The following SCAF8 variants were observed in gnomAD, a reference collection of about 807,000 sequenced individuals.
SCAF8 encodes SR-related and CTD-associated factor 8.
In SCAF8, 23 loss-of-function variants were observed where a neutral mutation model predicts 140.5. That is an observed-to-expected ratio of 0.16 (90% confidence interval 0.12 to 0.23). The LOEUF (loss-of-function observed/expected upper bound fraction) is 0.23, where lower values mean the gene tolerates loss of function less well. SCAF8 is among the 10% of genes least tolerant of loss of function. SCAF8 has a pLI of 1.00. For missense variants in SCAF8, 1,397 were observed against 1,555.7 expected, an observed-to-expected ratio of 0.90 and a Z score of 1.72; for synonymous variants, 575 against 528.9, an observed-to-expected ratio of 1.09 and a Z score of -1.20.
chr6:154,738,451 T>G (rs896789160), intron 1 of SCAF8, among the ~76,000 whole-genome samples: 1 of 152,234 alleles, frequency 6.6e-6, no homozygotes, highest in African/African-American at 2.4e-5. Context: ...TAAATGAGAT[T>G]TAGGCTCAAT....
chr6:154,734,301 A>T lies in SCAF8; in HGVS notation c.30+371A>T, dbSNP rs189555531. 3.8e-3 allele frequency among the ~76,000 whole-genome samples: 578 copies of T among 152,292 alleles called. 3 individuals are homozygous for T. Among genetic ancestry groups the T allele is most frequent in the African/African-American group, 0.013 (551 of 41,570 alleles). On this transcript the variant is annotated intron_variant, in intron 1 of 19. Coordinates refer to ENST00000367178, the MANE Select transcript of SCAF8 (RefSeq NM_014892.5). ...TCCTTCCTGGGCCTTTGAGGATTTA[A>T]GTGGACGCTGGACATGACTCTCCAG...
At chr6:154,811,953 A>G (rs576940812) in intron 12 of SCAF8, among the ~76,000 whole-genome samples, 38 of 152,160 alleles carry the variant, frequency 2.5e-4, no homozygotes, top group African/African-American at 8.9e-4. Flanking sequence ...GGACATTTGG[A>G]TTGGTTCCAA....
intron 6 of SCAF8, among the ~76,000 whole-genome samples, chr6:154,796,967 A>G (rs1404429132): frequency 6.6e-6 from 1 of 151,578 alleles, no homozygotes; most frequent in African/African-American, 2.4e-5. Context: ...GTGAGACTCA[A>G]AAACAAAAAT....
chr6:154,757,081 G>A (rs959454083), intron 1 of SCAF8, among the ~76,000 whole-genome samples: 1 of 152,004 alleles, frequency 6.6e-6, no homozygotes, highest in Non-Finnish European at 1.5e-5. Context: ...GCTGGAGTGC[G>A]GTGGTGCAAC....
chr6:154,803,960 G>C (rs927388196), intron 8 of SCAF8, among the ~76,000 whole-genome samples: 1 of 152,130 alleles, frequency 6.6e-6, no homozygotes, highest in Admixed American at 6.5e-5. Context: ...CTAGTGCTTA[G>C]AGGCCACTTC....
intron 1 of SCAF8, chr6:154,741,823 T>A: frequency 3.3e-6 from 2 of 605,978 alleles, no homozygotes; most frequent in Middle Eastern, 2.6e-4. Context: ...TTTGGACAAC[T>A]TCTAACTCAT....
At chr6:154,752,535 T>C (rs1778863891) in intron 1 of SCAF8, among the ~76,000 whole-genome samples, 1 of 152,172 alleles carries the variant, frequency 6.6e-6, no homozygotes, top group Non-Finnish European at 1.5e-5. Flanking sequence ...GAACATGTAG[T>C]GTCATTGTGG....
intron 3 of SCAF8, among the ~76,000 whole-genome samples, chr6:154,787,454 G>C (rs1044695983): frequency 2.0e-5 from 3 of 152,190 alleles, no homozygotes; most frequent in East Asian, 3.8e-4. Flanking sequence ...TTTCATTTGC[G>C]TAGGAACCCT....
rs574658973 is a variant in SCAF8, at chr6:154,827,254, T to G, written c.2140+14T>G. 63 of 1,570,698 alleles carry G rather than the reference T, an allele frequency of 4.0e-5. No homozygotes were observed. In the South Asian group the frequency reaches 6.7e-4, roughly 17 times the overall value. Reference sequence around the variant, plus strand: ...TAGTACCAACATGTAAGTTTTCTACTTTTAGAGTTTTCTTTATTCATGGTA... The same window carrying G: ...TAGTACCAACATGTAAGTTTTCTACGTTTAGAGTTTTCTTTATTCATGGTA... On this transcript the variant is annotated intron_variant, in intron 18 of 19. Coordinates refer to ENST00000367178, the MANE Select transcript of SCAF8 (RefSeq NM_014892.5).
intron 1 of SCAF8, among the ~76,000 whole-genome samples, chr6:154,760,407 A>T (rs987716874): frequency 6.6e-6 from 1 of 152,182 alleles, no homozygotes; most frequent in Non-Finnish European, 1.5e-5. Flanking sequence ...CTTGCTAGAC[A>T]GATGTTTGCA....
chr6:154,772,802 CA>C lies in SCAF8; in HGVS notation c.31-1186del, dbSNP rs1193077938. The stretch of plus-strand genomic sequence containing the variant: ...GACAGAGTCTCCCTCTGGAGTCTCC[CA>C]GGCTGGAGTGTAGTAGTGCAATCTC... On this transcript the variant is annotated intron_variant, in intron 1 of 19. Coordinates refer to ENST00000367178, the MANE Select transcript of SCAF8 (RefSeq NM_014892.5). Among the ~76,000 whole-genome samples the C allele has an allele frequency of 3.3e-5, 5 of 152,228 alleles. No individual in the cohort carries two copies. In the East Asian group the frequency reaches 9.7e-4, roughly 29 times the overall value.
chr6:154,831,921 C>T lies in SCAF8; in HGVS notation c.2360-18C>T, dbSNP rs770903594. The T allele has an allele frequency of 1.3e-6, 2 of 1,560,818 alleles. No homozygotes were observed. The highest frequency in any genetic ancestry group is 2.2e-5 in the East Asian group (1 of 44,448). ...TTGACTGTTATTTTGAGTTTTTTCT[C>T]TCTCTCTTTTTTTTTAGTGATTCCA... On this transcript the variant is annotated intron_variant, in intron 19 of 19. Transcript: ENST00000367178.
chr6:154,733,858 C>A lies in SCAF8; in HGVS notation c.-43C>A. On this transcript the variant is annotated 5_prime_UTR_variant, in exon 1 of 20. Transcript: ENST00000367178. ...CTCTCCCCACCCAGTGCAGTGGCCG[C>A]CGCCTCTTCCGCCGCCGGGCTCGGG... 6.5e-7 allele frequency: 1 copy of A among 1,540,802 alleles called. No homozygotes were observed. The highest frequency in any genetic ancestry group is 2.7e-5 in the East Asian group (1 of 37,266).
chr6:154,831,987 C>G lies in SCAF8; in HGVS notation c.2408C>G (p.Pro803Arg). ...AATGCTGCAATTTTAGGAGGACAGCCGCCAAATGTGACAAGCAATTCTGGA... is the reference window on the plus strand; with the variant it reads ...AATGCTGCAATTTTAGGAGGACAGCGGCCAAATGTGACAAGCAATTCTGGA... Reference protein sequence around the residue: ...SSNAAILGGQPPNVTSNSGIL... With the variant: ...SSNAAILGGQRPNVTSNSGIL... The change falls in exon 20 of 20, where the codon CCG (proline) becomes CGG (arginine). Residue 803 changes from proline (P) to arginine (R), a missense_variant. By Grantham distance (103) the Pro-to-Arg change is moderately radical. Around this residue, in one of 5 missense-constraint regions of SCAF8, gnomAD observed 930 missense variants for 874.6 expected, o/e 1.06. Transcript: ENST00000367178. 6.2e-7 allele frequency: 1 copy of G among 1,612,434 alleles called. No homozygotes were observed. The highest frequency in any genetic ancestry group is 8.5e-7 in the Non-Finnish European group (1 of 1,179,344).
chr6:154,750,033 GTTGAT>G (rs1315810918), intron 1 of SCAF8, among the ~76,000 whole-genome samples: 1 of 151,656 alleles, frequency 6.6e-6, no homozygotes, highest in Admixed American at 6.6e-5. Context: ...TTGGTTTAAG[GTTGAT>G]TTAAGAGTAT....
At chr6:154,796,389 C>CTCTCTCTCTGTCTG (rs376622207) in intron 6 of SCAF8, among the ~76,000 whole-genome samples, 5,745 of 140,860 alleles carry the variant, frequency 0.041, 235 homozygotes, top group East Asian at 0.1. Context: ...CTCTCTCTCT[C>CTCTCTCTCTGTCTG]TCTGTCTCTC....
chr6:154,829,330 A>T (rs1459376264), intron 18 of SCAF8, among the ~76,000 whole-genome samples: 1 of 152,048 alleles, frequency 6.6e-6, no homozygotes, highest in Non-Finnish European at 1.5e-5. Context: ...TTCAAAAGTA[A>T]TGTAATGCAA....
intron 7 of SCAF8, 92 bp downstream of exon 7, chr6:154,802,239 G>A: frequency 1.3e-6 from 1 of 748,268 alleles, no homozygotes; most frequent in Non-Finnish European, 2.0e-6. Flanking sequence ...TTTTATTGTA[G>A]ACTTTCAGTA....
chr6:154,814,739 G>C (rs763620548), intron 12 of SCAF8, among the ~76,000 whole-genome samples: 1 of 152,226 alleles, frequency 6.6e-6, no homozygotes, highest in African/African-American at 2.4e-5. Context: ...AATGTCTTCT[G>C]TAAAAGGAGG....
Sources: allele counts gnomAD v4.1 joint callset (sites outside exome capture counted in the v4.1 genomes callset), GRCh38; gene constraint gnomAD v4.1.1; regional missense constraint gnomAD v4.1.1; transcripts MANE v1.5; gene names NCBI Gene and HGNC (gene_info 2026-07-23, HGNC 2026-07-21).